TFB1M: variants seen among roughly 807,000 people sequenced by gnomAD.
The protein encoded by TFB1M is dimethyladenosine transferase 1, mitochondrial.
A neutral mutation model predicts 31.1 loss-of-function variants in TFB1M; 27 were observed. The ratio of observed to expected loss-of-function variants is 0.87; its 90% CI spans 0.64 to 1.20. TFB1M has a LOEUF of 1.20. Ranked by LOEUF, TFB1M falls within the 50% of genes most tolerant of loss-of-function variation. TFB1M has a pLI of 0.00. For synonymous variants in TFB1M, 166 were observed against 151.8 expected, an observed-to-expected ratio of 1.09 and a Z score of -0.69; for missense variants, 394 against 418.7, an observed-to-expected ratio of 0.94 and a Z score of 0.51.
chr6:155,300,218 C>T (rs756979321), intron 2 of TFB1M, among the ~76,000 whole-genome samples: 8 of 152,134 alleles, frequency 5.3e-5, no homozygotes, highest in South Asian at 2.1e-4. Context: ...ATAGCTGAAA[C>T]GCCTCTATTG....
chr6:155,293,862 G>T (rs985224841), intron 4 of TFB1M, among the ~76,000 whole-genome samples: 2 of 152,010 alleles, frequency 1.3e-5, no homozygotes, highest in African/African-American at 4.8e-5. Context: ...AAACTCTCCT[G>T]AGTTTTTGCA....
At chr6:155,276,159 T>C in intron 5 of TFB1M, 1 of 1,614,186 alleles carries the variant, frequency 6.2e-7, no homozygotes, top group Non-Finnish European at 8.5e-7. Flanking sequence ...ATAGCAAACT[T>C]TCTGGATCTG....
the TFB1M span, among the ~76,000 whole-genome samples, chr6:155,242,889 C>T: frequency 7.1e-6 from 1 of 140,080 alleles, no homozygotes; most frequent in Admixed American, 7.5e-5. Flanking sequence ...GCACCCGCCA[C>T]CACACCCAGC....
At position 155,257,060 on chromosome 6, in the gene TFB1M, G is replaced by A; in HGVS notation, c.*776C>T. On this transcript the variant is annotated 3_prime_UTR_variant, in exon 7 of 7. Transcript: ENST00000367166. ...CTAGAGCGAGAATTCAGTGTCCAGAGTTTAACATCTGTTGTCAGTGAGGAG... is the reference window on the plus strand; with the variant it reads ...CTAGAGCGAGAATTCAGTGTCCAGAATTTAACATCTGTTGTCAGTGAGGAG... 2 of 1,614,144 alleles carry A rather than the reference G, an allele frequency of 1.2e-6. No individual in the cohort carries two copies. Among genetic ancestry groups the A allele is most frequent in the South Asian group, 2.2e-5 (2 of 91,088 alleles).
At chr6:155,283,387 A>C (rs1440757737) in intron 5 of TFB1M, among the ~76,000 whole-genome samples, 1 of 152,258 alleles carries the variant, frequency 6.6e-6, no homozygotes, top group African/African-American at 2.4e-5. Flanking sequence ...AAAAAAGTGA[A>C]GTAAATTGCT....
At chr6:155,235,229 G>A in the TFB1M span, among the ~76,000 whole-genome samples, 3 of 152,324 alleles carry the variant, frequency 2.0e-5, no homozygotes, top group East Asian at 3.9e-4. Context: ...CGGCAAACAC[G>A]AGTTTCCTTT....
intron 5 of TFB1M, among the ~76,000 whole-genome samples, chr6:155,269,133 T>C (rs1784805042): frequency 6.6e-6 from 1 of 151,868 alleles, no homozygotes; most frequent in African/African-American, 2.4e-5. Context: ...TTCCATAGCT[T>C]ATAAACTACC....
chr6:155,258,034 T>C lies in TFB1M; in HGVS notation c.843A>G (p.Leu281=). 6.2e-7 allele frequency: 1 copy of C among 1,614,216 alleles called. No individual in the cohort carries two copies. Among genetic ancestry groups the C allele is most frequent in the East Asian group, 2.2e-5 (1 of 44,886 alleles). ...AQRLESTGRL[L]ELADIDPTLR... ...GAGTAGGGTCTATGTCTGCCAACTCTAACAGCCTGCCCGTGCTTTCCAAGC... is the reference window on the plus strand; with the variant it reads ...GAGTAGGGTCTATGTCTGCCAACTCCAACAGCCTGCCCGTGCTTTCCAAGC... Residue 281 remains leucine (L), a synonymous_variant, in exon 7 of 7, where the codon TTA becomes TTG. Transcript: ENST00000367166.
the TFB1M span, chr6:155,248,283 A>G: frequency 7.5e-7 from 1 of 1,324,768 alleles, no homozygotes; most frequent in Middle Eastern, 2.7e-4. Context: ...GCCTAGTGGC[A>G]CGTCCTAAGT....
At chr6:155,239,544 TTTC>T in the TFB1M span, among the ~76,000 whole-genome samples, 1 of 152,224 alleles carries the variant, frequency 6.6e-6, no homozygotes, top group South Asian at 2.1e-4. Context: ...CCTGTGAGGC[TTTC>T]CAGCCAAAGT....
At chr6:155,244,863 A>G in the TFB1M span, 2 of 1,466,764 alleles carry the variant, frequency 1.4e-6, no homozygotes, top group South Asian at 2.9e-5. Context: ...CTCTCATGAG[A>G]AAGAATTTCT....
At chr6:155,236,693 C>A in the TFB1M span, among the ~76,000 whole-genome samples, 2 of 152,112 alleles carry the variant, frequency 1.3e-5, no homozygotes, top group Non-Finnish European at 2.9e-5. Flanking sequence ...CAAGTCATAT[C>A]TTACGTGGAT....
At position 155,256,737 on chromosome 6, in the gene TFB1M, C is replaced by T; in HGVS notation, c.*1099G>A. 2 of 1,614,218 alleles carry T rather than the reference C, an allele frequency of 1.2e-6. No individual in the cohort carries two copies. Among genetic ancestry groups the T allele is most frequent in the Non-Finnish European group, 1.7e-6 (2 of 1,180,046 alleles). Reference sequence around the variant, plus strand: ...ACATCCTGAGCGATGAAGATGATGACCACCGTCAGACTGTGAAGCAGGGCA... The same window carrying T: ...ACATCCTGAGCGATGAAGATGATGATCACCGTCAGACTGTGAAGCAGGGCA... On this transcript the variant is annotated 3_prime_UTR_variant, in exon 7 of 7. Transcript: ENST00000367166.
intron 4 of TFB1M, among the ~76,000 whole-genome samples, chr6:155,293,853 A>T (rs1452657995): frequency 3.3e-5 from 5 of 152,116 alleles, no homozygotes; most frequent in Non-Finnish European, 7.3e-5. Context: ...TTCAATCTTA[A>T]ACTCTCCTGA....
At chr6:155,268,042 A>T (rs577417582) in intron 5 of TFB1M, among the ~76,000 whole-genome samples, 1 of 152,316 alleles carries the variant, frequency 6.6e-6, no homozygotes, top group South Asian at 2.1e-4. Context: ...CTTTTTACAG[A>T]CCGAAGATGC....
intron 6 of TFB1M, among the ~76,000 whole-genome samples, chr6:155,259,604 A>T (rs936824285): frequency 2.6e-5 from 4 of 152,276 alleles, no homozygotes; most frequent in Non-Finnish European, 4.4e-5. Flanking sequence ...CTCTTTAAAC[A>T]GCGGACTATG....
At chr6:155,290,576 C>A (rs1223530066) in intron 4 of TFB1M, among the ~76,000 whole-genome samples, 1 of 151,888 alleles carries the variant, frequency 6.6e-6, no homozygotes, top group Non-Finnish European at 1.5e-5. Flanking sequence ...GAACTAAAAT[C>A]AACTTTTTTT....
At chr6:155,271,223 C>T (rs944863988) in intron 5 of TFB1M, among the ~76,000 whole-genome samples, 5 of 152,068 alleles carry the variant, frequency 3.3e-5, no homozygotes, top group Admixed American at 2.0e-4. Context: ...TGTATAATGG[C>T]TATGAATTTA....
the TFB1M span, among the ~76,000 whole-genome samples, chr6:155,242,707 G>A: frequency 0.36 from 54,886 of 151,962 alleles, 10,686 homozygotes; most frequent in Middle Eastern, 0.51. Context: ...TTCTATCACT[G>A]AACTATATCC....
Sources: allele counts gnomAD v4.1 joint callset (sites outside exome capture counted in the v4.1 genomes callset), GRCh38; gene constraint gnomAD v4.1.1; transcripts MANE v1.5; gene names NCBI Gene and HGNC (gene_info 2026-07-23, HGNC 2026-07-21).